RIMS2: variants seen among roughly 807,000 people sequenced by gnomAD.
RIMS2 encodes the protein regulating synaptic membrane exocytosis 2, also known as regulating synaptic membrane exocytosis protein 2.
A neutral mutation model predicts 174.4 loss-of-function variants in RIMS2; 59 were observed. That is an observed-to-expected ratio of 0.34 (90% CI 0.27 to 0.42). The LOEUF is 0.42. RIMS2 is among the 10% of genes least tolerant of loss of function. The pLI is 1.00. For missense variants in RIMS2, 1,620 were observed against 1,666.3 expected (o/e 0.97, Z 0.48); for synonymous variants, 606 against 572.5 (o/e 1.06, Z -0.84).
At chr8:103,890,441 T>C (rs1386956128) in intron 4 of RIMS2, among the ~76,000 whole-genome samples, 5 of 152,024 alleles carry the variant, frequency 3.3e-5, no homozygotes, top group African/African-American at 9.7e-5. Context: ...TTTTTTCTAT[T>C]CTGGAAATTG....
intron 1 of RIMS2, among the ~76,000 whole-genome samples, chr8:103,525,336 G>T (rs1019493561): frequency 2.6e-5 from 4 of 152,118 alleles, no homozygotes; most frequent in African/African-American, 9.7e-5. Flanking sequence ...AAGCCCTAAG[G>T]AATAGCTCTT....
intron 2 of RIMS2, among the ~76,000 whole-genome samples, chr8:103,762,424 T>C (rs780152764): frequency 1.3e-5 from 2 of 152,170 alleles, no homozygotes; most frequent in African/African-American, 4.8e-5. Flanking sequence ...GTTAACTTAA[T>C]TGGTTAAAGC....
intron 1 of RIMS2, among the ~76,000 whole-genome samples, chr8:103,693,414 T>C: frequency 6.6e-6 from 1 of 152,226 alleles, no homozygotes; most frequent in Middle Eastern, 3.2e-3. Context: ...TTCAATTTGG[T>C]GTTCCTGTGA....
intron 19 of RIMS2, among the ~76,000 whole-genome samples, chr8:104,241,089 G>A (rs1288983564): frequency 1.3e-5 from 2 of 152,132 alleles, no homozygotes; most frequent in African/African-American, 2.4e-5. Flanking sequence ...CTCCTTCACT[G>A]TGCTCTGCTT....
intron 19 of RIMS2, among the ~76,000 whole-genome samples, chr8:104,157,948 A>C (rs996462357): frequency 6.6e-6 from 1 of 152,162 alleles, no homozygotes; most frequent in Non-Finnish European, 1.5e-5. Flanking sequence ...GTTCTAGGGT[A>C]CATGTGCACA....
intron 1 of RIMS2, among the ~76,000 whole-genome samples, chr8:103,648,300 A>G (rs922391103): frequency 2.6e-5 from 4 of 152,010 alleles, no homozygotes; most frequent in Non-Finnish European, 1.5e-5. Context: ...TTATTATTTC[A>G]GTTCTTTTAT....
At chr8:103,633,000 TA>T in intron 1 of RIMS2, among the ~76,000 whole-genome samples, 1 of 151,112 alleles carries the variant, frequency 6.6e-6, no homozygotes, top group East Asian at 1.9e-4. Context: ...CCCAAAGTGC[TA>T]GGATTACAGG....
chr8:103,986,050 T>C (rs114261407), intron 16 of RIMS2, among the ~76,000 whole-genome samples: 1,624 of 152,034 alleles, frequency 0.011, 39 homozygotes, highest in African/African-American at 0.037. Context: ...CAACTATAGT[T>C]AATATATACT....
Position 103,536,199 on chromosome 8 carries a change from C to T in RIMS2, c.176+35137C>T, listed in dbSNP as rs570730590. Reference sequence around the variant, plus strand: ...TAACCTACTTTGGTTGTAGTAAGTTCTAGAAAGATGCTCTCTTGACTTTGT... The same window carrying T: ...TAACCTACTTTGGTTGTAGTAAGTTTTAGAAAGATGCTCTCTTGACTTTGT... On this transcript the variant is annotated intron_variant, in intron 1 of 23. Transcript: ENST00000504942. Among the ~76,000 whole-genome samples the T allele has an allele frequency of 5.3e-5, 8 of 152,190 alleles. No homozygotes were observed. The South Asian group carries it at 1.7e-3, about 32-fold the overall frequency.
At chr8:103,552,019 A>T (rs1203377475) in intron 1 of RIMS2, among the ~76,000 whole-genome samples, 2 of 152,228 alleles carry the variant, frequency 1.3e-5, no homozygotes, top group East Asian at 1.9e-4. Flanking sequence ...GAAAATGGCC[A>T]TACTGCCCAA....
intron 1 of RIMS2, among the ~76,000 whole-genome samples, chr8:103,577,728 T>C (rs986067395): frequency 1.3e-5 from 2 of 152,126 alleles, no homozygotes; most frequent in African/African-American, 4.8e-5. Flanking sequence ...AATTCAGAAA[T>C]CATCAGAGAA....
At chr8:103,631,658 T>C (rs2095925175) in intron 1 of RIMS2, among the ~76,000 whole-genome samples, 1 of 152,218 alleles carries the variant, frequency 6.6e-6, no homozygotes, top group African/African-American at 2.4e-5. Context: ...TTGTTCTAGT[T>C]CTGTGAAGAA....
intron 1 of RIMS2, among the ~76,000 whole-genome samples, chr8:103,591,298 C>T (rs1271710494): frequency 6.6e-6 from 1 of 150,834 alleles, no homozygotes; most frequent in Non-Finnish European, 1.5e-5. Flanking sequence ...TCTGTTTATT[C>T]ATGCTGGATA....
At chr8:104,022,632 C>G (rs985668849) in intron 19 of RIMS2, among the ~76,000 whole-genome samples, 1 of 152,010 alleles carries the variant, frequency 6.6e-6, no homozygotes, top group Non-Finnish European at 1.5e-5. Context: ...CCTCCCGCCT[C>G]GTCTCGGCCT....
chr8:104,182,306 A>G (rs1029232134), intron 19 of RIMS2, among the ~76,000 whole-genome samples: 3 of 151,836 alleles, frequency 2.0e-5, no homozygotes, highest in African/African-American at 7.2e-5. Flanking sequence ...AATATAATAC[A>G]ATTTAATTAA....
intron 2 of RIMS2, among the ~76,000 whole-genome samples, chr8:103,741,248 G>T (rs2097758855): frequency 2.0e-5 from 3 of 151,894 alleles, no homozygotes; most frequent in Admixed American, 2.0e-4. Flanking sequence ...ACTTAGTACA[G>T]ACCCAGATAG....
chr8:103,591,379 A>G (rs1034379905), intron 1 of RIMS2, among the ~76,000 whole-genome samples: 12 of 151,060 alleles, frequency 7.9e-5, no homozygotes, highest in Non-Finnish European at 1.3e-4. Flanking sequence ...CATTTTCTTC[A>G]TAATATCTTT....
intron 1 of RIMS2, among the ~76,000 whole-genome samples, chr8:103,675,633 A>G (rs369257416): frequency 9.0e-4 from 137 of 152,338 alleles, no homozygotes; most frequent in African/African-American, 3.2e-3. Flanking sequence ...CAGAGATAGC[A>G]TAAGCCTATC....
At chr8:103,594,721 A>G (rs1308679339) in intron 1 of RIMS2, among the ~76,000 whole-genome samples, 1 of 151,828 alleles carries the variant, frequency 6.6e-6, no homozygotes, top group Non-Finnish European at 1.5e-5. Context: ...ATATTAGTAA[A>G]TTGTAAATGT....
Sources: allele counts gnomAD v4.1 joint callset (sites outside exome capture counted in the v4.1 genomes callset), GRCh38; gene constraint gnomAD v4.1.1; transcripts MANE v1.5; gene names NCBI Gene and HGNC (gene_info 2026-07-23, HGNC 2026-07-21).